The following GALNTL6 variants were observed in gnomAD, a reference collection of about 807,000 sequenced individuals.
GALNTL6 encodes polypeptide N-acetylgalactosaminyltransferase-like 6.
Under a neutral mutation model 73.7 loss-of-function variants are expected in GALNTL6, and 46 were observed. The observed-to-expected ratio is 0.62, with a 90% CI of 0.49 to 0.80. The LOEUF (loss-of-function observed/expected upper bound fraction) is 0.80, where lower values mean the gene tolerates loss of function less well. GALNTL6 is among the 30% of genes least tolerant of loss of function. The probability of loss-of-function intolerance (pLI) is 0.00; values close to 1 mark genes in which losing one functional copy is unlikely to be tolerated. For missense variants in GALNTL6, 604 were observed against 755.0 expected (o/e 0.80, Z 2.34); for synonymous variants, 259 against 263.7 (o/e 0.98, Z 0.17).
intron 5 of GALNTL6, among the ~76,000 whole-genome samples, chr4:172,488,483 A>C (rs1733775375): frequency 6.6e-6 from 1 of 152,188 alleles, no homozygotes; most frequent in African/African-American, 2.4e-5. Flanking sequence ...GGAGCATATA[A>C]GCATGGCTTG....
At chr4:172,891,782 T>C (rs143833749) in intron 8 of GALNTL6, among the ~76,000 whole-genome samples, 1,575 of 152,344 alleles carry the variant, frequency 0.01, 23 homozygotes, top group Non-Finnish European at 0.016. Flanking sequence ...CAAGGAGTCA[T>C]AGGCTTTGTC....
intron 2 of GALNTL6, among the ~76,000 whole-genome samples, chr4:171,852,500 T>C (rs1735548958): frequency 7.0e-6 from 1 of 143,238 alleles, no homozygotes; most frequent in Non-Finnish European, 1.5e-5. Flanking sequence ...TTTATCGCTG[T>C]CTAAATATTA....
chr4:172,210,090 A>G (rs527557259), intron 2 of GALNTL6, among the ~76,000 whole-genome samples: 1 of 152,114 alleles, frequency 6.6e-6, no homozygotes, highest in Non-Finnish European at 1.5e-5. Flanking sequence ...GCTTATGGGT[A>G]TATTTAATCA....
At chr4:171,928,802 G>A (rs898673428) in intron 2 of GALNTL6, among the ~76,000 whole-genome samples, 11 of 152,108 alleles carry the variant, frequency 7.2e-5, no homozygotes, top group Admixed American at 2.6e-4. Flanking sequence ...GGAGCAATAC[G>A]CTATACCACA....
chr4:171,847,410 A>G (rs1735403034), intron 2 of GALNTL6, among the ~76,000 whole-genome samples: 1 of 152,160 alleles, frequency 6.6e-6, no homozygotes, highest in African/African-American at 2.4e-5. Context: ...GGATGCTATC[A>G]GGGTAGTAGT....
intron 2 of GALNTL6, among the ~76,000 whole-genome samples, chr4:171,827,619 T>C (rs954259547): frequency 1.3e-5 from 2 of 152,170 alleles, no homozygotes; most frequent in Non-Finnish European, 2.9e-5. Context: ...TAGAAACAGA[T>C]ATTTGAAATT....
chr4:172,304,079 T>G (rs111987120), intron 3 of GALNTL6, among the ~76,000 whole-genome samples: 7 of 7,498 alleles, frequency 9.3e-4, no homozygotes, highest in African/African-American at 1.6e-3. Context: ...ATATTCTGGG[T>G]TTTTTTTCTC....
intron 5 of GALNTL6, among the ~76,000 whole-genome samples, chr4:172,782,640 A>G (rs973470743): frequency 9.9e-5 from 15 of 152,142 alleles, no homozygotes; most frequent in Admixed American, 2.6e-4. Flanking sequence ...TCCTAAAAGA[A>G]AAGGGGAAAA....
Position 172,465,984 on chromosome 4 carries a change from T to C in GALNTL6, c.553+117295T>C, listed in dbSNP as rs528290430. On this transcript the variant is annotated intron_variant, in intron 5 of 12. Coordinates refer to ENST00000506823, the MANE Select transcript of GALNTL6 (RefSeq NM_001034845.3). ...AGTTTTTTTAAAAAACTGTCCCAAA[T>C]TTTCGAGTGTCTTCATTTCTTAAAA... Among the ~76,000 whole-genome samples the C allele has an allele frequency of 2.6e-5, 4 of 152,320 alleles. No homozygotes were observed. In the East Asian group the frequency reaches 7.7e-4, roughly 29 times the overall value.
chr4:172,862,261 G>A (rs567941661), intron 7 of GALNTL6, among the ~76,000 whole-genome samples: 3 of 152,314 alleles, frequency 2.0e-5, no homozygotes, highest in Non-Finnish European at 4.4e-5. Context: ...CTGGAGTAAA[G>A]GTCACTCTTG....
At chr4:172,351,231 C>G (rs1218649143) in intron 5 of GALNTL6, among the ~76,000 whole-genome samples, 1 of 151,772 alleles carries the variant, frequency 6.6e-6, no homozygotes, top group Admixed American at 6.6e-5. Context: ...ATCTATCTAC[C>G]TCTTTACTGA....
intron 2 of GALNTL6, among the ~76,000 whole-genome samples, chr4:172,141,057 C>G (rs1311616402): frequency 6.6e-6 from 1 of 151,960 alleles, no homozygotes; most frequent in East Asian, 1.9e-4. Context: ...TTTGATTAAT[C>G]TTTGCCCTTT....
chr4:172,199,262 A>G (rs1735878648), intron 2 of GALNTL6, among the ~76,000 whole-genome samples: 1 of 152,124 alleles, frequency 6.6e-6, no homozygotes, highest in South Asian at 2.1e-4. Context: ...TGCCTATTTA[A>G]TAGGATTTTT....
chr4:172,612,091 A>G (rs1408611108), intron 5 of GALNTL6, among the ~76,000 whole-genome samples: 1 of 152,080 alleles, frequency 6.6e-6, no homozygotes, highest in Non-Finnish European at 1.5e-5. Flanking sequence ...ATAAAGGATA[A>G]GGATCCAGAA....
intron 2 of GALNTL6, among the ~76,000 whole-genome samples, chr4:171,827,532 G>A (rs1379776120): frequency 6.6e-6 from 1 of 152,130 alleles, no homozygotes; most frequent in African/African-American, 2.4e-5. Context: ...ATCAAATTTA[G>A]GTTGTTGACT....
rs192189304 is a variant in GALNTL6, at chr4:171,923,627, C to T, written c.138+108909C>T. On this transcript the variant is annotated intron_variant, in intron 2 of 12. Transcript: ENST00000506823. ...TTCACCGTGTTAGCCAGGATGGTCTCGATCTCCTGACCTTGTGATCCACCC... is the reference window on the plus strand; with the variant it reads ...TTCACCGTGTTAGCCAGGATGGTCTTGATCTCCTGACCTTGTGATCCACCC... Among the ~76,000 whole-genome samples, 272 of 149,382 alleles carry T rather than the reference C, an allele frequency of 1.8e-3. 5 individuals are homozygous for T. The highest frequency in any genetic ancestry group is 3.4e-3 in the Middle Eastern group (1 of 290).
At chr4:171,832,876 T>C (rs1735015386) in intron 2 of GALNTL6, among the ~76,000 whole-genome samples, 1 of 151,822 alleles carries the variant, frequency 6.6e-6, no homozygotes, top group African/African-American at 2.4e-5. Context: ...ACATAAACAT[T>C]CAATAAGCTT....
At chr4:172,953,667 C>T (rs992696072) in intron 10 of GALNTL6, among the ~76,000 whole-genome samples, 5 of 152,198 alleles carry the variant, frequency 3.3e-5, no homozygotes, top group Admixed American at 6.5e-5. Flanking sequence ...CAGAGGGTCA[C>T]TCTTCATACC....
At chr4:172,491,584 T>C (rs1047335662) in intron 5 of GALNTL6, among the ~76,000 whole-genome samples, 1 of 152,140 alleles carries the variant, frequency 6.6e-6, no homozygotes, top group Non-Finnish European at 1.5e-5. Flanking sequence ...GTATGAAGTT[T>C]ACCAGGATGG....
Sources: gnomAD v4.1 joint callset for allele counts (sites outside exome capture counted in the v4.1 genomes callset) on GRCh38, gnomAD v4.1.1 for gene constraint, MANE v1.5 for transcripts, NCBI Gene and HGNC (gene_info 2026-07-23, HGNC 2026-07-21) for gene names.